Variants in TPX2 observed in about 807,000 individuals in gnomAD.
TPX2 encodes targeting protein for Xklp2.
In TPX2, 21 loss-of-function variants were observed where a neutral mutation model predicts 93.6. That is an observed-to-expected ratio of 0.22 (90% confidence interval 0.16 to 0.32). The LOEUF (loss-of-function observed/expected upper bound fraction) is 0.32. Ranked by LOEUF, TPX2 falls within the 10% of genes least tolerant of loss-of-function variation. The probability of loss-of-function intolerance (pLI) is 1.00; values close to 1 mark genes in which losing one functional copy is unlikely to be tolerated. For synonymous variants in TPX2, 281 were observed against 298.3 expected, an observed-to-expected ratio of 0.94 and a Z score of 0.60; for missense variants, 776 against 871.1, an observed-to-expected ratio of 0.89 and a Z score of 1.37.
At chr20:31,764,056 CAT>C (rs1231527198) in intron 4 of TPX2, among the ~76,000 whole-genome samples, 2 of 151,680 alleles carry the variant, frequency 1.3e-5, no homozygotes, top group African/African-American at 4.8e-5. Flanking sequence ...TACACACACA[CAT>C]ACACACATAT....
rs531384377 is a variant in TPX2, at chr20:31,769,672, C to T, written c.357-671C>T. Among the ~76,000 whole-genome samples, 7 of 152,196 alleles carry T rather than the reference C, an allele frequency of 4.6e-5. No homozygotes were observed. In the South Asian group the frequency reaches 1.5e-3, roughly 32 times the overall value. On this transcript the variant is annotated intron_variant, in intron 5 of 17. Coordinates refer to ENST00000300403, the MANE Select transcript of TPX2 (RefSeq NM_012112.5). The stretch of plus-strand genomic sequence containing the variant: ...CAAGGTAGCAGTGGTTGTCAGTGTT[C>T]TGTATTTTGGCCTAGGTGGTGATTT...
chr20:31,749,050 A>G (rs1416886842), intron 2 of TPX2, among the ~76,000 whole-genome samples: 1 of 149,802 alleles, frequency 6.7e-6, no homozygotes, highest in Non-Finnish European at 1.5e-5. Context: ...GGTTCACGCC[A>G]TTCTCCTGCC....
At chr20:31,777,390 A>G (rs2062007213) in intron 8 of TPX2, 97 bp from the exon 9 acceptor site, 7 of 1,442,742 alleles carry the variant, frequency 4.9e-6, no homozygotes, top group Non-Finnish European at 3.7e-6. Context: ...AGTTAGATCC[A>G]TGGTGACAGA....
chr20:31,777,771 A>C, intron 9 of TPX2, 133 bp downstream of exon 9: 2 of 950,738 alleles, frequency 2.1e-6, no homozygotes, highest in Non-Finnish European at 2.9e-6. Context: ...TGTGTAAAAT[A>C]TAACAGATCT....
intron 17 of TPX2, among the ~76,000 whole-genome samples, chr20:31,798,982 CTTA>C (rs1467619827): frequency 1.6e-4 from 25 of 152,246 alleles, no homozygotes; most frequent in African/African-American, 5.8e-4. Flanking sequence ...ATTTATGTAA[CTTA>C]TTATTTCCTC....
chr20:31,793,403 T>C (rs747363393), intron 13 of TPX2, among the ~76,000 whole-genome samples: 3 of 152,204 alleles, frequency 2.0e-5, no homozygotes, highest in Non-Finnish European at 2.9e-5. Context: ...ATAGGTTCAT[T>C]TGAAACTAAA....
At chr20:31,777,183 G>A (rs971070604) in intron 8 of TPX2, among the ~76,000 whole-genome samples, 124 of 152,308 alleles carry the variant, frequency 8.1e-4, no homozygotes, top group African/African-American at 2.8e-3. Flanking sequence ...CTTATCAAAA[G>A]TATTCCAGTT....
At chr20:31,767,113 A>T (rs2061932771) in intron 5 of TPX2, among the ~76,000 whole-genome samples, 1 of 152,054 alleles carries the variant, frequency 6.6e-6, no homozygotes, top group African/African-American at 2.4e-5. Context: ...TGTTACCTTT[A>T]AAAATCCTCA....
At chr20:31,787,899 T>A (rs2062076814) in intron 12 of TPX2, among the ~76,000 whole-genome samples, 1 of 152,180 alleles carries the variant, frequency 6.6e-6, no homozygotes, top group Admixed American at 6.5e-5. Context: ...TCAACAGAAC[T>A]GTTTTAGGGT....
intron 1 of TPX2, 72 bp downstream of exon 1, chr20:31,739,693 C>G (rs878999706): frequency 1.3e-5 from 2 of 152,222 alleles, no homozygotes; most frequent in South Asian, 2.1e-4. Context: ...CCTGCATGCC[C>G]GTTCTCATTT....
At chr20:31,785,633 G>A (rs1003670349) in intron 12 of TPX2, among the ~76,000 whole-genome samples, 3 of 152,146 alleles carry the variant, frequency 2.0e-5, no homozygotes, top group African/African-American at 4.8e-5. Context: ...GAGTAGTTGG[G>A]ATTACAGGCG....
intron 12 of TPX2, 85 bp from the exon 13 acceptor site, chr20:31,792,649 CA>C (rs1299647690): frequency 3.8e-5 from 50 of 1,322,936 alleles, no homozygotes; most frequent in Non-Finnish European, 5.2e-5. Flanking sequence ...TGTCTCTACC[CA>C]AAGGGGAAAA....
chr20:31,772,554 G>A (rs1198622992), intron 7 of TPX2, among the ~76,000 whole-genome samples: 1 of 152,164 alleles, frequency 6.6e-6, no homozygotes, highest in African/African-American at 2.4e-5. Context: ...TTCTTACCAC[G>A]TAGATTGAAC....
At chr20:31,782,432 C>G (rs758683489) in intron 11 of TPX2, 42 bp downstream of exon 11, 1 of 1,561,070 alleles carries the variant, frequency 6.4e-7, no homozygotes, top group Non-Finnish European at 8.7e-7. Flanking sequence ...TTCCACGAAC[C>G]TGCCTACTTT....
Position 31,783,822 on chromosome 20 carries a change from G to C in TPX2, c.1314G>C (p.Glu438Asp), listed in dbSNP as rs748820511. 10 of 1,612,540 alleles carry C rather than the reference G, an allele frequency of 6.2e-6. No homozygotes were observed. The Admixed American group carries it at 6.7e-5, about 11-fold the overall frequency. Residue 438 changes from glutamate (E) to aspartate (D), a missense_variant, in exon 12 of 18, where the codon GAG (glutamate) becomes GAC (aspartate). Coordinates refer to ENST00000300403, the MANE Select transcript of TPX2 (RefSeq NM_012112.5). ...CTATTGGCTTTGATTTGGAAATTGA[G>C]AAAAGAATCCAGGAGCGAGAATCAA... ...TEPIGFDLEI[E>D]KRIQERESKK... is the part of the protein sequence containing the mutation.
rs2062118681 is a variant in TPX2, at chr20:31,793,882, C to T, written c.1544C>T (p.Pro515Leu). The T allele has an allele frequency of 6.8e-6, 11 of 1,611,114 alleles. No individual in the cohort carries two copies. In the East Asian group the frequency reaches 2.5e-4, roughly 36 times the overall value. ...GAACCGGTAGTGATAAAAGCTCAAC[C>T]TGTGCCACATTATGGGGTGCCTTTT... ...EDEPVVIKAQPVPHYGVPFKP... is the reference protein window; with the variant it reads ...EDEPVVIKAQLVPHYGVPFKP... Residue 515 changes from proline (P) to leucine (L), a missense_variant, in exon 14 of 18, where the codon CCT becomes CTT. Pro to Leu is a moderately conservative substitution (Grantham distance 98, BLOSUM62 -3). This residue lies in a region of TPX2 where 461 missense variants were observed against 551.2 expected (regional missense o/e 0.84). Coordinates refer to ENST00000300403, the MANE Select transcript of TPX2 (RefSeq NM_012112.5).
chr20:31,789,060 A>T (rs1201848624), intron 12 of TPX2, among the ~76,000 whole-genome samples: 2 of 152,004 alleles, frequency 1.3e-5, no homozygotes, highest in Non-Finnish European at 2.9e-5. Context: ...TTATCCACCC[A>T]CATTGCCCCA....
intron 11 of TPX2, among the ~76,000 whole-genome samples, chr20:31,782,793 G>A (rs550637638): frequency 6.6e-6 from 1 of 151,994 alleles, no homozygotes; most frequent in East Asian, 1.9e-4. Context: ...CTAGGGGGCA[G>A]CCTGAACCCA....
At chr20:31,770,531 G>T (rs2061959071) in intron 6 of TPX2, 60 bp downstream of exon 6, 2 of 1,392,232 alleles carry the variant, frequency 1.4e-6, no homozygotes, top group South Asian at 3.6e-5. Context: ...TATACCACTT[G>T]TAAGTTTCTT....
Sources: allele counts gnomAD v4.1 joint callset (sites outside exome capture counted in the v4.1 genomes callset), GRCh38; gene constraint gnomAD v4.1.1; regional missense constraint gnomAD v4.1.1; transcripts MANE v1.5; gene names NCBI Gene and HGNC (gene_info 2026-07-23, HGNC 2026-07-21).